The following CLMN variants were observed in gnomAD, a reference collection of about 807,000 sequenced individuals.
The protein encoded by CLMN is calmin.
CLMN carries 57 observed loss-of-function variants against 92.7 expected under a neutral mutation model. The ratio of observed to expected loss-of-function variants is 0.61; its 90% CI spans 0.50 to 0.77. The LOEUF is 0.77. Among genes scored for constraint, CLMN ranks in the 30% least tolerant of loss-of-function variants. The probability of loss-of-function intolerance (pLI) is 0.00; values close to 1 mark genes in which losing one functional copy is unlikely to be tolerated. For synonymous variants in CLMN, 466 were observed against 470.6 expected (o/e 0.99, Z 0.13); for missense variants, 1,158 against 1,237.5 (o/e 0.94, Z 0.96).
At chr14:95,211,678 C>T (rs906175810) in intron 6 of CLMN, among the ~76,000 whole-genome samples, 5 of 150,656 alleles carry the variant, frequency 3.3e-5, no homozygotes, top group African/African-American at 1.2e-4. Flanking sequence ...CAAAAACAAC[C>T]AAGTACCTTT....
chr14:95,253,298 C>T (rs1345884545), intron 1 of CLMN, among the ~76,000 whole-genome samples: 1 of 152,192 alleles, frequency 6.6e-6, no homozygotes, highest in Admixed American at 6.5e-5. Flanking sequence ...ACAGCGCTTA[C>T]CCCTCCAGGT....
intron 1 of CLMN, among the ~76,000 whole-genome samples, chr14:95,232,500 T>C (rs1292388545): frequency 6.6e-6 from 1 of 152,198 alleles, no homozygotes; most frequent in South Asian, 2.1e-4. Flanking sequence ...TGCCTTACAA[T>C]ATTTTTAACT....
At chr14:95,261,172 C>T (rs1297168116) in intron 1 of CLMN, among the ~76,000 whole-genome samples, 7 of 142,302 alleles carry the variant, frequency 4.9e-5, no homozygotes, top group Non-Finnish European at 9.0e-5. Flanking sequence ...GCAAGATCAC[C>T]GAGAGAAAGC....
intron 8 of CLMN, among the ~76,000 whole-genome samples, chr14:95,207,553 G>A (rs1897079562): frequency 6.6e-6 from 1 of 152,204 alleles, no homozygotes; most frequent in African/African-American, 2.4e-5. Context: ...CACAGTACTA[G>A]GTACTTCACA....
chr14:95,246,502 T>C (rs951724876), intron 1 of CLMN, among the ~76,000 whole-genome samples: 2 of 152,222 alleles, frequency 1.3e-5, no homozygotes, highest in Non-Finnish European at 2.9e-5. Flanking sequence ...GGAGTCTCGC[T>C]CTGTCGCCCA....
In CLMN at chr14:95,182,044, C is replaced by T. The variant is rs1379209232; in HGVS notation, c.*9520G>A. The T allele has an allele frequency of 4.6e-5, 7 of 152,136 alleles. No individual in the cohort carries two copies. Among genetic ancestry groups the T allele is most frequent in the Admixed American group, 6.5e-5 (1 of 15,278 alleles). 9.4% of individuals were successfully genotyped at this position (152,136 alleles called of 1,614,324 possible). ...CTAATATTCCTTAATAGAAAACAGTCAAATAACAAATACTCCAGTTAATTC... is the reference window on the plus strand; with the variant it reads ...CTAATATTCCTTAATAGAAAACAGTTAAATAACAAATACTCCAGTTAATTC... On this transcript the variant is annotated 3_prime_UTR_variant, in exon 13 of 13. Coordinates refer to ENST00000298912, the MANE Select transcript of CLMN (RefSeq NM_024734.4).
chr14:95,209,873 C>G (rs1240712858), intron 7 of CLMN, among the ~76,000 whole-genome samples: 3 of 152,250 alleles, frequency 2.0e-5, no homozygotes, highest in East Asian at 1.9e-4. Flanking sequence ...ATAGCCAAAC[C>G]CTTTAAACAG....
rs1896457459 is a variant in CLMN, at chr14:95,187,042, C to T, written c.*4522G>A. ...TCATGGCATTCAAGCAGAGCTTAGCCATGCTATGTATCCCTCTCCTGCACT... is the reference window on the plus strand; with the variant it reads ...TCATGGCATTCAAGCAGAGCTTAGCTATGCTATGTATCCCTCTCCTGCACT... On this transcript the variant is annotated 3_prime_UTR_variant, in exon 13 of 13. Transcript: ENST00000298912. The T allele has an allele frequency of 6.6e-6, 1 of 152,224 alleles. No individual in the cohort carries two copies. The highest frequency in any genetic ancestry group is 6.5e-5 in the Admixed American group (1 of 15,284). 9.4% of individuals were successfully genotyped at this position (152,224 alleles called of 1,614,324 possible).
rs1896509944 is a variant in CLMN, at chr14:95,189,359, T to A, written c.*2205A>T. On this transcript the variant is annotated 3_prime_UTR_variant, in exon 13 of 13. Coordinates refer to ENST00000298912, the MANE Select transcript of CLMN (RefSeq NM_024734.4). ...AAGCCTTATTGTATTTCTTTTAATT[T>A]AAAAAAAATTTACAAGCAATGGGGT... 1 of 152,274 alleles carries A rather than the reference T, an allele frequency of 6.6e-6. No individual in the cohort carries two copies. Among genetic ancestry groups the A allele is most frequent in the South Asian group, 2.1e-4 (1 of 4,818 alleles). The allele number at this position is 152,274 out of a possible 1,614,324, so 9.4% of individuals were successfully genotyped here. A position where few individuals can be genotyped will look rare whatever the true frequency, so the allele number is the denominator to read the frequency against.
intron 4 of CLMN, among the ~76,000 whole-genome samples, chr14:95,218,641 G>C (rs1275755180): frequency 6.6e-6 from 1 of 152,202 alleles, no homozygotes; most frequent in African/African-American, 2.4e-5. Context: ...TCTGGGAATG[G>C]GACAGAGTCT....
At chr14:95,221,799 A>G (rs1897551244) in intron 3 of CLMN, 25 bp from the exon 4 acceptor site, 9 of 1,609,086 alleles carry the variant, frequency 5.6e-6, no homozygotes, top group Non-Finnish European at 7.7e-6. Flanking sequence ...AGAACAAAAC[A>G]AGCACATTAA....
chr14:95,277,929 G>C lies in CLMN; in HGVS notation c.82+41782C>G, dbSNP rs560412671. On this transcript the variant is annotated intron_variant, in intron 1 of 12. Coordinates refer to ENST00000298912, the MANE Select transcript of CLMN (RefSeq NM_024734.4). The stretch of plus-strand genomic sequence containing the variant: ...GGCGTGAGCCACTGTGCCAGGCCAG[G>C]CTTTGTCTATTCATGATGGCAGCCT... Among the ~76,000 whole-genome samples the C allele has an allele frequency of 2.0e-5, 3 of 152,282 alleles. No homozygotes were observed. The East Asian group carries it at 5.8e-4, about 29-fold the overall frequency.
chr14:95,243,204 C>T (rs945890762), intron 1 of CLMN, among the ~76,000 whole-genome samples: 6 of 152,180 alleles, frequency 3.9e-5, no homozygotes, highest in Non-Finnish European at 5.9e-5. Context: ...GGTGTCCTTA[C>T]CGCTCATGGC....
At position 95,204,319 on chromosome 14, in the gene CLMN, G is replaced by A. The variant is rs751428600; in HGVS notation, c.1030C>T (p.His344Tyr). 4 of 1,614,100 alleles carry A rather than the reference G, an allele frequency of 2.5e-6. No individual in the cohort carries two copies. Among genetic ancestry groups the A allele is most frequent in the South Asian group, 1.1e-5 (1 of 91,072 alleles). Residue 344 changes from histidine (H) to tyrosine (Y), a missense_variant, in exon 9 of 13, where the codon CAC (histidine) becomes TAC (tyrosine). His to Tyr is a moderately conservative substitution (Grantham distance 83, BLOSUM62 2). Transcript: ENST00000298912. ...RTYTVNHETS[H>Y]PPPSKVFVCD... Reference sequence around the variant, plus strand: ...ACAAAGACTTTGGAGGGTGGTGGGTGGCTGGTTTCATGGTTAACAGTGTAG... The same window carrying A: ...ACAAAGACTTTGGAGGGTGGTGGGTAGCTGGTTTCATGGTTAACAGTGTAG...
At chr14:95,260,025 C>T (rs1328687409) in intron 1 of CLMN, among the ~76,000 whole-genome samples, 1 of 152,200 alleles carries the variant, frequency 6.6e-6, no homozygotes, top group African/African-American at 2.4e-5. Context: ...ACTTCCTTTC[C>T]ACTCCCTGCT....
intron 1 of CLMN, among the ~76,000 whole-genome samples, chr14:95,315,126 C>G (rs77241213): frequency 6.6e-6 from 1 of 151,830 alleles, no homozygotes; most frequent in African/African-American, 2.4e-5. Context: ...AAAGATGGAG[C>G]GATAAGGAAC....
At chr14:95,220,169 CTTTTT>C (rs767326601) in intron 4 of CLMN, among the ~76,000 whole-genome samples, 143 of 71,798 alleles carry the variant, frequency 2.0e-3, no homozygotes, top group African/African-American at 8.2e-3. Context: ...GGATAGGTCC[CTTTTT>C]TTTTTTTTTT....
At chr14:95,242,305 C>T (rs1898281406) in intron 1 of CLMN, among the ~76,000 whole-genome samples, 1 of 129,924 alleles carries the variant, frequency 7.7e-6, no homozygotes, top group African/African-American at 2.9e-5. Flanking sequence ...GTTGCCCAGG[C>T]TGGAGTGCAG....
intron 1 of CLMN, 86 bp from the exon 2 acceptor site, chr14:95,230,219 TG>T: frequency 7.9e-7 from 1 of 1,265,960 alleles, no homozygotes; most frequent in Non-Finnish European, 1.2e-6. Flanking sequence ...AGATTCTAGG[TG>T]GAGGGCAGAC....
Sources: allele counts gnomAD v4.1 joint callset (sites outside exome capture counted in the v4.1 genomes callset), GRCh38; gene constraint gnomAD v4.1.1; transcripts MANE v1.5; gene names NCBI Gene and HGNC (gene_info 2026-07-23, HGNC 2026-07-21).